RAB3IP: variants seen among roughly 807,000 people sequenced by gnomAD.
RAB3IP encodes the protein rab-3A-interacting protein.
In RAB3IP, 36 loss-of-function variants were observed where a neutral mutation model predicts 59.1. The ratio of observed to expected loss-of-function variants is 0.61; its 90% CI spans 0.47 to 0.80. The LOEUF is 0.80. RAB3IP is among the 30% of genes least tolerant of loss of function. RAB3IP has a pLI of 0.00. For missense variants in RAB3IP, 511 were observed against 536.0 expected (o/e 0.95, Z 0.46); for synonymous variants, 207 against 191.2 (o/e 1.08, Z -0.68).
intron 1 of RAB3IP, 64 bp from the exon 2 acceptor site, chr12:69,755,320 C>T: frequency 7.7e-7 from 1 of 1,293,834 alleles, no homozygotes; most frequent in Non-Finnish European, 1.1e-6. Flanking sequence ...ATAATTTATG[C>T]ATTTTAATTT....
chr12:69,789,403 C>T (rs1302247618), intron 4 of RAB3IP, among the ~76,000 whole-genome samples: 2 of 151,950 alleles, frequency 1.3e-5, no homozygotes, highest in East Asian at 1.9e-4. Context: ...TAGATAAATT[C>T]CTAGAAACTG....
At chr12:69,763,267 A>G (rs1021461752) in intron 3 of RAB3IP, among the ~76,000 whole-genome samples, 3 of 152,166 alleles carry the variant, frequency 2.0e-5, no homozygotes, top group African/African-American at 7.2e-5. Context: ...GAGCAGGAAC[A>G]TTGTTGTGGT....
intron 8 of RAB3IP, chr12:69,812,019 A>G (rs1179724048): frequency 6.6e-6 from 1 of 152,200 alleles, no homozygotes; most frequent in East Asian, 1.9e-4. Context: ...GTCCGGCCTG[A>G]TAGACATGCT....
At position 69,818,585 on chromosome 12, in the gene RAB3IP, G is replaced by A. The variant is rs1301252963; in HGVS notation, c.*3139G>A. The A allele has an allele frequency of 6.6e-6, 1 of 152,132 alleles. No homozygotes were observed. Among genetic ancestry groups the A allele is most frequent in the Non-Finnish European group, 1.5e-5 (1 of 68,036 alleles). The allele number at this position is 152,132 out of a possible 1,614,324, so 9.4% of individuals were successfully genotyped here. The stretch of plus-strand genomic sequence containing the variant: ...AAATTAAAATGTCTATTTTTAGGAA[G>A]GTGTAATGTGTTCACAGAATGGGTG... On this transcript the variant is annotated 3_prime_UTR_variant, in exon 11 of 11. Coordinates refer to ENST00000247833, the MANE Select transcript of RAB3IP (RefSeq NM_022456.5).
Position 69,815,445 on chromosome 12 carries a change from G to C in RAB3IP, c.1382G>C (p.Ter461SerextTer8). Residue 461 changes from the stop codon to serine, a stop_lost, in exon 11 of 11, where the codon TGA becomes TCA. Coordinates refer to ENST00000247833, the MANE Select transcript of RAB3IP (RefSeq NM_022456.5). Reference sequence around the variant, plus strand: ...CTGGGTTATTTCAAAGAGGAACTCTGATGCTCTGCGTGGGACCATGCCTGA... The same window carrying C: ...CTGGGTTATTTCAAAGAGGAACTCTCATGCTCTGCGTGGGACCATGCCTGA... ...AKLGYFKEEL[*>S] 2 of 1,606,150 alleles carry C rather than the reference G, an allele frequency of 1.2e-6. No individual in the cohort carries two copies. The highest frequency in any genetic ancestry group is 1.7e-6 in the Non-Finnish European group (2 of 1,172,886).
intron 3 of RAB3IP, among the ~76,000 whole-genome samples, chr12:69,769,693 A>G (rs1415787270): frequency 2.0e-5 from 3 of 152,252 alleles, no homozygotes; most frequent in African/African-American, 7.2e-5. Flanking sequence ...CAACAGCATT[A>G]CAGTAGGTTG....
chr12:69,740,759 A>G (rs531801324), intron 1 of RAB3IP, among the ~76,000 whole-genome samples: 6 of 152,324 alleles, frequency 3.9e-5, no homozygotes, highest in Non-Finnish European at 7.4e-5. Context: ...ATCCTCTACA[A>G]ATAATTTTTA....
rs566038592 is a variant in RAB3IP at position 69,779,705 on chromosome 12, G to A, written c.511-5015G>A. Among the ~76,000 whole-genome samples, 138 of 144,278 alleles carry A rather than the reference G, an allele frequency of 9.6e-4. 3 individuals are homozygous for A. The highest frequency in any genetic ancestry group is 3.3e-3 in the African/African-American group (127 of 38,926). The allele number at this position is 144,278 out of a possible 152,430, so 94.7% of individuals were successfully genotyped here. On this transcript the variant is annotated intron_variant, in intron 3 of 10. Transcript: ENST00000247833. ...GGGAATTTTTTTTTTTTTTTCCAGC[G>A]TCTCTCTTAAATTTTTCTGATAAAT... is the stretch of plus-strand genomic sequence containing the variant.
chr12:69,812,426 A>G (rs1880585766), intron 8 of RAB3IP: 2 of 204,048 alleles, frequency 9.8e-6, no homozygotes, highest in Admixed American at 1.1e-4. Context: ...TCATGAGGAT[A>G]TTTTCAGCTG....
chr12:69,798,552 T>G (rs7964527), intron 6 of RAB3IP, among the ~76,000 whole-genome samples: 32,014 of 151,546 alleles, frequency 0.21, 4,085 homozygotes, highest in Middle Eastern at 0.35. Context: ...GTCAATTTTG[T>G]CTTTTGTTGC....
intron 1 of RAB3IP, among the ~76,000 whole-genome samples, chr12:69,740,907 A>G (rs1014957723): frequency 1.3e-5 from 2 of 152,240 alleles, no homozygotes; most frequent in Non-Finnish European, 2.9e-5. Flanking sequence ...GAGTCAGTGA[A>G]CAAATTAGTG....
intron 1 of RAB3IP, chr12:69,739,481 T>C: frequency 3.9e-6 from 1 of 254,224 alleles, no homozygotes; most frequent in Non-Finnish European, 7.5e-6. Context: ...CCCGAACAAG[T>C]CGGAAGCAGC....
intron 8 of RAB3IP, among the ~76,000 whole-genome samples, chr12:69,810,582 C>T (rs1450809734): frequency 6.6e-6 from 1 of 150,880 alleles, no homozygotes; most frequent in Non-Finnish European, 1.5e-5. Context: ...AAGAGCAATA[C>T]ATAACAACTG....
At chr12:69,753,156 CTG>C (rs2136120458) in intron 1 of RAB3IP, among the ~76,000 whole-genome samples, 1 of 152,228 alleles carries the variant, frequency 6.6e-6, no homozygotes, top group Admixed American at 6.5e-5. Context: ...GCTGGAAAGT[CTG>C]TGACACATAC....
intron 6 of RAB3IP, among the ~76,000 whole-genome samples, chr12:69,797,769 T>G (rs547808737): frequency 6.6e-6 from 1 of 151,472 alleles, no homozygotes; most frequent in Non-Finnish European, 1.5e-5. Context: ...TGAGAATATA[T>G]GGTGTTTGGT....
At chr12:69,799,621 T>C (rs1018940885) in intron 6 of RAB3IP, among the ~76,000 whole-genome samples, 1 of 152,202 alleles carries the variant, frequency 6.6e-6, no homozygotes, top group African/African-American at 2.4e-5. Context: ...GTATTCTTTT[T>C]TTTTAATCCT....
rs1239690568 is a variant in RAB3IP, at chr12:69,741,761, G to T, written c.-26+2730G>T. Among the ~76,000 whole-genome samples the T allele has an allele frequency of 2.6e-5, 4 of 152,314 alleles. No homozygotes were observed. The East Asian group carries it at 7.7e-4, about 29-fold the overall frequency. On this transcript the variant is annotated intron_variant, in intron 1 of 10. Coordinates refer to ENST00000247833, the MANE Select transcript of RAB3IP (RefSeq NM_022456.5). Reference sequence around the variant, plus strand: ...CAGACAGTTTGTCTTCCATGTCTGTGCTCTTAACCACTACACTCTGTCATT... The same window carrying T: ...CAGACAGTTTGTCTTCCATGTCTGTTCTCTTAACCACTACACTCTGTCATT...
rs1488854590 is a variant in RAB3IP at position 69,818,084 on chromosome 12, G to A, written c.*2638G>A. 6.6e-6 allele frequency: 1 copy of A among 152,116 alleles called. No individual in the cohort carries two copies. Among genetic ancestry groups the A allele is most frequent in the East Asian group, 1.9e-4 (1 of 5,196 alleles). 9.4% of individuals were successfully genotyped at this position (152,116 alleles called of 1,614,324 possible). On this transcript the variant is annotated 3_prime_UTR_variant, in exon 11 of 11. Coordinates refer to ENST00000247833, the MANE Select transcript of RAB3IP (RefSeq NM_022456.5). Reference sequence around the variant, plus strand: ...AACACAAAGTCAAGTTTTGGAGAGGGTTTTAGTCATTAGGATCACTCACAT... The same window carrying A: ...AACACAAAGTCAAGTTTTGGAGAGGATTTTAGTCATTAGGATCACTCACAT...
intron 4 of RAB3IP, among the ~76,000 whole-genome samples, chr12:69,791,845 A>T (rs964051080): frequency 2.0e-5 from 3 of 152,194 alleles, no homozygotes; most frequent in African/African-American, 7.2e-5. Context: ...TGCTATCCTG[A>T]TGAGTTATCT....
Sources: gnomAD v4.1 joint callset for allele counts (sites outside exome capture counted in the v4.1 genomes callset) on GRCh38, gnomAD v4.1.1 for gene constraint, MANE v1.5 for transcripts, NCBI Gene and HGNC (gene_info 2026-07-23, HGNC 2026-07-21) for gene names.